Variants in ADGRA3 observed in about 807,000 individuals in gnomAD.
ADGRA3 encodes adhesion G protein-coupled receptor A3.
In ADGRA3, 56 loss-of-function variants were observed where a neutral mutation model predicts 119.8. The ratio of observed to expected loss-of-function variants is 0.47; its 90% confidence interval spans 0.38 to 0.58. The LOEUF is 0.58. ADGRA3 is among the 20% of genes least tolerant of loss of function. ADGRA3 has a pLI of 0.00. For synonymous variants in ADGRA3, 607 were observed against 623.8 expected (o/e 0.97, Z 0.40); for missense variants, 1,516 against 1,649.0 (o/e 0.92, Z 1.40).
intron 11 of ADGRA3, among the ~76,000 whole-genome samples, chr4:22,422,976 GC>G (rs1434410430): frequency 2.6e-5 from 4 of 151,962 alleles, no homozygotes; most frequent in Admixed American, 2.0e-4. Flanking sequence ...CGGGTGGATA[GC>G]TTGAGATCAG....
intron 10 of ADGRA3, among the ~76,000 whole-genome samples, chr4:22,427,901 G>T (rs1008013764): frequency 2.6e-5 from 4 of 152,104 alleles, no homozygotes; most frequent in Non-Finnish European, 5.9e-5. Context: ...AAAGTGGGAG[G>T]AACAACCGAA....
At chr4:22,393,836 G>C (rs909422012) in intron 16 of ADGRA3, 2 of 152,104 alleles carry the variant, frequency 1.3e-5, no homozygotes, top group Admixed American at 1.3e-4. Context: ...TAGGGGTTTC[G>C]TAGGAATTGA....
chr4:22,483,075 C>T (rs1488932530), intron 1 of ADGRA3, among the ~76,000 whole-genome samples: 7 of 152,302 alleles, frequency 4.6e-5, no homozygotes, highest in Middle Eastern at 3.4e-3. Context: ...GCTGGCCAAG[C>T]CTTCCTCATA....
At chr4:22,425,318 T>C (rs1440767507) in intron 10 of ADGRA3, among the ~76,000 whole-genome samples, 1 of 152,166 alleles carries the variant, frequency 6.6e-6, no homozygotes, top group African/African-American at 2.4e-5. Flanking sequence ...CCACTGTTTG[T>C]TTTACTTGTT....
chr4:22,485,927 C>G (rs1197701332), intron 1 of ADGRA3, among the ~76,000 whole-genome samples: 1 of 152,202 alleles, frequency 6.6e-6, no homozygotes, highest in African/African-American at 2.4e-5. Flanking sequence ...TTATTAATTC[C>G]TGGCCAGGCG....
intron 1 of ADGRA3, among the ~76,000 whole-genome samples, chr4:22,496,986 C>T (rs1392735293): frequency 3.3e-5 from 5 of 152,242 alleles, no homozygotes; most frequent in Non-Finnish European, 5.9e-5. Context: ...AAGAAATTAA[C>T]TGGCACCACT....
chr4:22,433,894 C>A (rs1217486836), intron 10 of ADGRA3, among the ~76,000 whole-genome samples: 2 of 152,108 alleles, frequency 1.3e-5, no homozygotes, highest in East Asian at 3.9e-4. Context: ...GAGACACAAT[C>A]AAGTATCAGG....
intron 10 of ADGRA3, among the ~76,000 whole-genome samples, chr4:22,426,781 A>G (rs1486411447): frequency 6.6e-6 from 1 of 152,178 alleles, no homozygotes; most frequent in African/African-American, 2.4e-5. Context: ...CAAATGACAA[A>G]TAATTAAGAA....
chr4:22,401,536 G>C lies in ADGRA3; in HGVS notation c.2376C>G (p.Leu792=). ...IYHHSLIRIS[L]KSWHMLVNLC... The stretch of plus-strand genomic sequence containing the variant: ...AGTTCACAAGCATGTGCCAGCTCTT[G>C]AGGCTGATTCTAATCAAACTGTTTA... Residue 792 remains leucine (L), a synonymous_variant, in exon 16 of 19, where the codon CTC becomes CTG. Coordinates refer to ENST00000334304, the MANE Select transcript of ADGRA3 (RefSeq NM_145290.4). 2 of 1,606,270 alleles carry C rather than the reference G, an allele frequency of 1.2e-6. No individual in the cohort carries two copies. The highest frequency in any genetic ancestry group is 2.2e-5 in the East Asian group (1 of 44,710).
At position 22,502,568 on chromosome 4, in the gene ADGRA3, G is replaced by A. The variant is rs577002637; in HGVS notation, c.257+12960C>T. ...TGGTCATTCAATCATGGTGCTACAA[G>A]GGAGTATTCTGGGGAGAGGAGCTTT... is the stretch of plus-strand genomic sequence containing the variant. On this transcript the variant is annotated intron_variant, in intron 1 of 18. Transcript: ENST00000334304. 4.0e-5 allele frequency among the ~76,000 whole-genome samples: 6 copies of A among 151,626 alleles called. No homozygotes were observed. In the South Asian group the frequency reaches 6.2e-4, roughly 16 times the overall value.
At position 22,435,161 on chromosome 4, in the gene ADGRA3, G is replaced by A. The variant is rs546989717; in HGVS notation, c.1443+150C>T. ...CAAACAGGTCATAAGAGAAGAGGCA[G>A]AAGTATCTCAATAAAATTCTGGAAA... On this transcript the variant is annotated intron_variant, in intron 10 of 18. Coordinates refer to ENST00000334304, the MANE Select transcript of ADGRA3 (RefSeq NM_145290.4). 62 of 661,314 alleles carry A rather than the reference G, an allele frequency of 9.4e-5. No homozygotes were observed. In the East Asian group the frequency reaches 1.7e-3, roughly 18 times the overall value. The allele number at this position is 661,314 out of a possible 1,614,324, so 41.0% of individuals were successfully genotyped here.
In ADGRA3 at chr4:22,449,116, C is replaced by CAA. The variant is rs571218810; in HGVS notation, c.474-1607_474-1606dup. Reference sequence around the variant, plus strand: ...TGAAACTCCGTCTCTACTAAAACTACAAAATTAGCTGGGTGTGGTGGTGTG... The same window carrying CAA: ...TGAAACTCCGTCTCTACTAAAACTACAAAAAATTAGCTGGGTGTGGTGGTGTG... On this transcript the variant is annotated intron_variant, in intron 4 of 18. Transcript: ENST00000334304. Among the ~76,000 whole-genome samples, 334 of 151,774 alleles carry CAA rather than the reference C, an allele frequency of 2.2e-3. 1 individual carries two copies. The highest frequency in any genetic ancestry group is 3.5e-3 in the South Asian group (17 of 4,794).
At chr4:22,416,127 G>A (rs1295175012) in intron 12 of ADGRA3, among the ~76,000 whole-genome samples, 2 of 152,176 alleles carry the variant, frequency 1.3e-5, no homozygotes, top group Non-Finnish European at 2.9e-5. Context: ...CAGAAAGGTT[G>A]TAAATCTATT....
intron 14 of ADGRA3, among the ~76,000 whole-genome samples, chr4:22,409,672 C>A (rs1715107742): frequency 6.6e-6 from 1 of 152,162 alleles, no homozygotes; most frequent in Non-Finnish European, 1.5e-5. Flanking sequence ...ACCACTACCA[C>A]CATCACCATC....
chr4:22,449,247 GC>G (rs1218970834), intron 4 of ADGRA3, among the ~76,000 whole-genome samples: 1 of 150,644 alleles, frequency 6.6e-6, no homozygotes, highest in East Asian at 1.9e-4. Flanking sequence ...TCCAACCTGA[GC>G]AACAGAGTGA....
chr4:22,515,940 G>T lies in ADGRA3; in HGVS notation c.-156C>A. The T allele has an allele frequency of 3.2e-6, 1 of 315,288 alleles. No individual in the cohort carries two copies. Among genetic ancestry groups the T allele is most frequent in the Non-Finnish European group, 4.6e-6 (1 of 217,612 alleles). The allele number at this position is 315,288 out of a possible 1,614,324, so 19.5% of individuals were successfully genotyped here. Reference sequence around the variant, plus strand: ...TTCCCCGGCGCGGACATGCTCCTTTGTCCGCTGCGGCTGCGCTGGGCCTCT... The same window carrying T: ...TTCCCCGGCGCGGACATGCTCCTTTTTCCGCTGCGGCTGCGCTGGGCCTCT... On this transcript the variant is annotated 5_prime_UTR_variant, in exon 1 of 19. Transcript: ENST00000334304.
intron 6 of ADGRA3, 131 bp downstream of exon 6, chr4:22,444,842 A>C: frequency 1.1e-6 from 1 of 881,232 alleles, no homozygotes; most frequent in Non-Finnish European, 1.7e-6. Flanking sequence ...AAATATTATC[A>C]AATCCATAAT....
intron 17 of ADGRA3, among the ~76,000 whole-genome samples, chr4:22,390,806 C>G (rs539758390): frequency 1.3e-5 from 2 of 152,088 alleles, no homozygotes; most frequent in Non-Finnish European, 2.9e-5. Flanking sequence ...CACCAGCTGC[C>G]TTTTCCTTAA....
intron 2 of ADGRA3, among the ~76,000 whole-genome samples, chr4:22,468,233 C>T (rs1255018454): frequency 1.3e-5 from 2 of 152,194 alleles, no homozygotes; most frequent in Non-Finnish European, 2.9e-5. Context: ...TTTCTCCAAA[C>T]CCCACAGCAG....
Sources: gnomAD v4.1 joint callset for allele counts (sites outside exome capture counted in the v4.1 genomes callset) on GRCh38, gnomAD v4.1.1 for gene constraint, MANE v1.5 for transcripts, NCBI Gene and HGNC (gene_info 2026-07-23, HGNC 2026-07-21) for gene names.